Variants in PTPRD observed in about 807,000 individuals in gnomAD.
PTPRD encodes the protein protein tyrosine phosphatase receptor type D, also known as receptor-type tyrosine-protein phosphatase delta.
In PTPRD, 34 loss-of-function variants were observed where a neutral mutation model predicts 214.5. The observed-to-expected ratio is 0.16, with a 90% CI of 0.12 to 0.21. PTPRD has a LOEUF of 0.21. PTPRD is among the 10% of genes least tolerant of loss of function. The pLI, the probability that PTPRD is intolerant of heterozygous loss-of-function variation, is 1.00. For synonymous variants in PTPRD, 1,128 were observed against 845.7 expected, an observed-to-expected ratio of 1.33 and a Z score of -5.79; for missense variants, 2,545 against 2,398.7, an observed-to-expected ratio of 1.06 and a Z score of -1.27.
At chr9:9,680,727 G>A (rs2097050003) in intron 7 of PTPRD, among the ~76,000 whole-genome samples, 1 of 151,668 alleles carries the variant, frequency 6.6e-6, no homozygotes, top group Non-Finnish European at 1.5e-5. Flanking sequence ...AGGAAGGGAT[G>A]CAACTTCATA....
intron 8 of PTPRD, among the ~76,000 whole-genome samples, chr9:9,431,919 G>A (rs1390349388): frequency 9.5e-6 from 1 of 105,440 alleles, no homozygotes; most frequent in African/African-American, 3.6e-5. Flanking sequence ...GGGGGGAGGG[G>A]GGAGGGGTAG....
intron 7 of PTPRD, among the ~76,000 whole-genome samples, chr9:9,692,777 A>AT (rs913161103): frequency 2.0e-5 from 3 of 151,264 alleles, no homozygotes; most frequent in African/African-American, 4.9e-5. Context: ...AATTGTTTCC[A>AT]TTTTTTTTAG....
intron 10 of PTPRD, among the ~76,000 whole-genome samples, chr9:9,125,810 C>G (rs943936947): frequency 6.6e-5 from 10 of 152,228 alleles, no homozygotes; most frequent in Middle Eastern, 3.4e-3. Flanking sequence ...ACACAAACAA[C>G]AAATAAAGAG....
At chr9:9,161,495 C>T (rs2099888772) in intron 10 of PTPRD, among the ~76,000 whole-genome samples, 1 of 152,044 alleles carries the variant, frequency 6.6e-6, no homozygotes, top group Non-Finnish European at 1.5e-5. Context: ...CCAAGCCAGG[C>T]AGTTTAGCAA....
At chr9:9,574,820 A>G (rs1234238165) in intron 7 of PTPRD, 39 bp from the exon 8 acceptor site, 2 of 152,132 alleles carry the variant, frequency 1.3e-5, no homozygotes, top group African/African-American at 4.8e-5. Context: ...TATTAGTACT[A>G]GTGTTCAATT....
chr9:9,913,861 T>A (rs2079920056), intron 5 of PTPRD, among the ~76,000 whole-genome samples: 1 of 152,140 alleles, frequency 6.6e-6, no homozygotes, highest in South Asian at 2.1e-4. Flanking sequence ...TTAGCCAAGC[T>A]GCCACAGCAT....
intron 14 of PTPRD, among the ~76,000 whole-genome samples, chr9:8,572,258 C>G (rs1321628949): frequency 6.6e-6 from 1 of 151,958 alleles, no homozygotes; most frequent in East Asian, 1.9e-4. Flanking sequence ...AATTAAGAGT[C>G]AGAATATAGC....
intron 8 of PTPRD, among the ~76,000 whole-genome samples, chr9:9,398,330 G>C (rs564493432): frequency 3.9e-5 from 6 of 151,954 alleles, no homozygotes; most frequent in Admixed American, 2.0e-4. Context: ...TGTGTGTTTA[G>C]CCCATATTGG....
At chr9:9,424,497 A>G (rs1380237381) in intron 8 of PTPRD, among the ~76,000 whole-genome samples, 1 of 152,190 alleles carries the variant, frequency 6.6e-6, no homozygotes, top group Admixed American at 6.5e-5. Flanking sequence ...CATGTAGAAG[A>G]AAATGCTGTT....
intron 39 of PTPRD, among the ~76,000 whole-genome samples, chr9:8,345,816 G>A (rs1857041204): frequency 6.6e-6 from 1 of 151,570 alleles, no homozygotes; most frequent in African/African-American, 2.4e-5. Context: ...GTTTCGTTTT[G>A]TTTTTTTTAT....
intron 14 of PTPRD, among the ~76,000 whole-genome samples, chr9:8,593,866 T>A (rs2094298537): frequency 6.6e-6 from 1 of 152,174 alleles, no homozygotes; most frequent in African/African-American, 2.4e-5. Flanking sequence ...AGAACTTCCA[T>A]CTTTTCTTTC....
intron 3 of PTPRD, among the ~76,000 whole-genome samples, chr9:10,079,243 A>G (rs1182865961): frequency 6.6e-6 from 1 of 152,094 alleles, no homozygotes; most frequent in Non-Finnish European, 1.5e-5. Context: ...TGTCTAATCT[A>G]GGCTGATCTG....
Position 8,544,718 on chromosome 9 carries a change from T to A in PTPRD, c.353-15939A>T, listed in dbSNP as rs368305461. 4.1e-4 allele frequency among the ~76,000 whole-genome samples: 59 copies of A among 145,246 alleles called. No homozygotes were observed. In the South Asian group the frequency reaches 0.012, roughly 30 times the overall value. On this transcript the variant is annotated intron_variant, in intron 14 of 45. Transcript: ENST00000381196. ...CTCCCGAACCTTCAGTGACCCACCA[T>A]TGTCGGCCTCCCAAAGTGCTGGGAT...
chr9:9,702,400 A>G (rs1033809023), intron 7 of PTPRD, among the ~76,000 whole-genome samples: 1 of 152,190 alleles, frequency 6.6e-6, no homozygotes, highest in Non-Finnish European at 1.5e-5. Context: ...ATAGTTTCAC[A>G]GTGGGCTTTT....
chr9:8,431,053 C>G (rs986500748), intron 35 of PTPRD, among the ~76,000 whole-genome samples: 2 of 152,188 alleles, frequency 1.3e-5, no homozygotes, highest in African/African-American at 4.8e-5. Flanking sequence ...CTCCTCCCAG[C>G]TCACAAGCCT....
chr9:8,933,340 GTTTTTTTTT>G (rs71317383), intron 11 of PTPRD, among the ~76,000 whole-genome samples: 6 of 80,430 alleles, frequency 7.5e-5, no homozygotes, highest in East Asian at 9.7e-4. Flanking sequence ...CAACCTTGAG[GTTTTTTTTT>G]TTTTTTTTTT....
intron 14 of PTPRD, among the ~76,000 whole-genome samples, chr9:8,536,188 T>C (rs2076890781): frequency 1.3e-5 from 2 of 151,992 alleles, no homozygotes; most frequent in Admixed American, 1.3e-4. Flanking sequence ...TCATGTTTCC[T>C]CTATGCAAAT....
intron 7 of PTPRD, among the ~76,000 whole-genome samples, chr9:9,656,802 T>C (rs2154376934): frequency 6.6e-6 from 1 of 152,186 alleles, no homozygotes. Flanking sequence ...GTTCATCAAT[T>C]GTAACAAATG....
chr9:8,974,053 T>C (rs889845126), intron 11 of PTPRD, among the ~76,000 whole-genome samples: 1 of 152,130 alleles, frequency 6.6e-6, no homozygotes, highest in Non-Finnish European at 1.5e-5. Context: ...AGAAGTGCTT[T>C]AGGTCCCATT....
Sources: gnomAD v4.1 joint callset for allele counts (sites outside exome capture counted in the v4.1 genomes callset) on GRCh38, gnomAD v4.1.1 for gene constraint, MANE v1.5 for transcripts, NCBI Gene and HGNC (gene_info 2026-07-23, HGNC 2026-07-21) for gene names.